The following ATP2B2 variants were observed in gnomAD, a reference collection of about 807,000 sequenced individuals.
ATP2B2 encodes the protein plasma membrane calcium-transporting ATPase 2.
ATP2B2 carries 15 observed loss-of-function variants against 120.0 expected under a neutral mutation model. The observed-to-expected ratio is 0.12, with a 90% CI of 0.08 to 0.19. The LOEUF (loss-of-function observed/expected upper bound fraction) is 0.19. Among genes scored for constraint, ATP2B2 ranks in the 10% least tolerant of loss-of-function variants. ATP2B2 has a pLI of 1.00. For missense variants in ATP2B2, 1,045 were observed against 1,719.8 expected (o/e 0.61, Z 6.94); for synonymous variants, 694 against 700.3 (o/e 0.99, Z 0.14).
At chr3:10,345,926 G>A (rs549729541) in intron 17 of ATP2B2, 105 bp downstream of exon 17, 20 of 1,172,978 alleles carry the variant, frequency 1.7e-5, no homozygotes, top group African/African-American at 1.2e-4. Context: ...GGCAGATGGC[G>A]GGTGGGCCAA....
At chr3:10,388,162 A>G in intron 6 of ATP2B2, 115 bp downstream of exon 6, 1 of 1,513,236 alleles carries the variant, frequency 6.6e-7, no homozygotes, top group Non-Finnish European at 9.2e-7. Context: ...GGCTGTCAGC[A>G]CAGGGTGCGG....
chr3:10,404,866 C>T (rs748880527), intron 3 of ATP2B2, among the ~76,000 whole-genome samples: 1 of 152,150 alleles, frequency 6.6e-6, no homozygotes, highest in African/African-American at 2.4e-5. Flanking sequence ...GATTACAGAG[C>T]CCCATGCTGC....
intron 2 of ATP2B2, among the ~76,000 whole-genome samples, chr3:10,580,202 C>A (rs2068356881): frequency 6.6e-6 from 1 of 152,176 alleles, no homozygotes; most frequent in Non-Finnish European, 1.5e-5. Context: ...TCAGTGTGAC[C>A]CCAAATCCTG....
At chr3:10,490,975 A>G (rs1264874877) in intron 1 of ATP2B2, among the ~76,000 whole-genome samples, 3 of 152,064 alleles carry the variant, frequency 2.0e-5, no homozygotes, top group Non-Finnish European at 4.4e-5. Context: ...CTAACCTTTG[A>G]GCCTGTTTTC....
chr3:10,617,718 T>C (rs1056109400), intron 2 of ATP2B2, among the ~76,000 whole-genome samples: 3 of 152,232 alleles, frequency 2.0e-5, no homozygotes, highest in Non-Finnish European at 2.9e-5. Flanking sequence ...GACGAGCTGC[T>C]GAGCAGGGCA....
At chr3:10,413,647 C>A (rs925838704) in intron 2 of ATP2B2, among the ~76,000 whole-genome samples, 1 of 152,228 alleles carries the variant, frequency 6.6e-6, no homozygotes, top group African/African-American at 2.4e-5. Flanking sequence ...GCAGGCACGG[C>A]ACACTGTAGC....
intron 2 of ATP2B2, among the ~76,000 whole-genome samples, chr3:10,449,005 C>T (rs1019921560): frequency 6.6e-6 from 1 of 152,232 alleles, no homozygotes; most frequent in African/African-American, 2.4e-5. Flanking sequence ...CCTTCTGCCT[C>T]TGCCTCAGAA....
intron 3 of ATP2B2, among the ~76,000 whole-genome samples, chr3:10,528,684 T>C (rs929931418): frequency 9.2e-5 from 14 of 152,144 alleles, no homozygotes; most frequent in African/African-American, 3.4e-4. Context: ...TTTATGTGAA[T>C]TGATATTTTG....
chr3:10,593,065 C>G (rs546571102), intron 2 of ATP2B2, among the ~76,000 whole-genome samples: 46 of 152,338 alleles, frequency 3.0e-4, no homozygotes, highest in African/African-American at 1.1e-3. Flanking sequence ...GGAATACAGG[C>G]GTGAACCACC....
chr3:10,526,706 T>G (rs1182664993), intron 3 of ATP2B2, among the ~76,000 whole-genome samples: 1 of 151,118 alleles, frequency 6.6e-6, no homozygotes, highest in Non-Finnish European at 1.5e-5. Flanking sequence ...AGTGAGGGGG[T>G]GTGGGGAGTG....
At chr3:10,565,862 G>A (rs2067998854) in intron 2 of ATP2B2, among the ~76,000 whole-genome samples, 1 of 152,004 alleles carries the variant, frequency 6.6e-6, no homozygotes, top group Non-Finnish European at 1.5e-5. Flanking sequence ...TGTGGCCTTG[G>A]GCAAGCGAAT....
At chr3:10,557,403 G>A (rs761895615) in intron 2 of ATP2B2, among the ~76,000 whole-genome samples, 8 of 152,250 alleles carry the variant, frequency 5.3e-5, no homozygotes, top group African/African-American at 9.6e-5. Context: ...CTGCCTGGAC[G>A]AAGCTAGATT....
chr3:10,602,284 C>T (rs2068945074), intron 2 of ATP2B2, among the ~76,000 whole-genome samples: 1 of 152,244 alleles, frequency 6.6e-6, no homozygotes, highest in South Asian at 2.1e-4. Context: ...AGGCTGCTCA[C>T]ATCCCGGGAC....
intron 1 of ATP2B2, among the ~76,000 whole-genome samples, chr3:10,500,222 G>A (rs2066328936): frequency 1.3e-5 from 2 of 151,832 alleles, no homozygotes. Context: ...ACAGGTATGA[G>A]CCACTGCGCC....
chr3:10,658,339 A>C (rs935606851), intron 1 of ATP2B2, among the ~76,000 whole-genome samples: 15 of 152,016 alleles, frequency 9.9e-5, no homozygotes, highest in Non-Finnish European at 2.1e-4. Flanking sequence ...GAAGCTAAAA[A>C]CCTTGAGAAA....
chr3:10,485,704 G>A (rs2065619332), intron 1 of ATP2B2, among the ~76,000 whole-genome samples: 1 of 152,184 alleles, frequency 6.6e-6, no homozygotes, highest in East Asian at 1.9e-4. Context: ...GCAGAGAATC[G>A]CAAAGCCTGG....
chr3:10,367,133 C>T lies in ATP2B2; in HGVS notation c.1659+4676G>A, dbSNP rs1314932359. Among the ~76,000 whole-genome samples, 5 of 152,260 alleles carry T rather than the reference C, an allele frequency of 3.3e-5. No homozygotes were observed. The South Asian group carries it at 6.2e-4, about 19-fold the overall frequency. ...CTTATTTGCTACCACTGGCTCCCCC[C>T]ATTTCTCCCAGCCTCACCTCTTGTC... On this transcript the variant is annotated intron_variant, in intron 12 of 22. Transcript: ENST00000360273.
chr3:10,379,100 T>C (rs906774025), intron 9 of ATP2B2, 143 bp downstream of exon 9: 4 of 1,004,762 alleles, frequency 4.0e-6, no homozygotes, highest in Admixed American at 2.0e-5. Context: ...AAATCACAGC[T>C]ACACCCCCAA....
chr3:10,591,515 C>T (rs2068644112), intron 2 of ATP2B2, among the ~76,000 whole-genome samples: 1 of 152,186 alleles, frequency 6.6e-6, no homozygotes, highest in South Asian at 2.1e-4. Context: ...CCCTCATGCT[C>T]CTCTCCACTG....
Sources: gnomAD v4.1 joint callset for allele counts (sites outside exome capture counted in the v4.1 genomes callset) on GRCh38, gnomAD v4.1.1 for gene constraint, MANE v1.5 for transcripts, NCBI Gene and HGNC (gene_info 2026-07-23, HGNC 2026-07-21) for gene names.